NRDC: variants seen among roughly 807,000 people sequenced by gnomAD.
NRDC encodes the protein nardilysin.
Under a neutral mutation model 147.1 loss-of-function variants are expected in NRDC, and 54 were observed. The observed-to-expected ratio is 0.37, with a 90% CI of 0.29 to 0.46. The LOEUF (loss-of-function observed/expected upper bound fraction) is 0.46, where lower values mean the gene tolerates loss of function less well. Among genes scored for constraint, NRDC ranks in the 20% least tolerant of loss-of-function variants. The pLI is 1.00. For synonymous variants in NRDC, 440 were observed against 482.1 expected, an observed-to-expected ratio of 0.91 and a Z score of 1.14; for missense variants, 1,082 against 1,370.6, an observed-to-expected ratio of 0.79 and a Z score of 3.33.
intron 1 of NRDC, among the ~76,000 whole-genome samples, chr1:51,849,521 A>G (rs1681830358): frequency 6.6e-6 from 1 of 152,056 alleles, no homozygotes; most frequent in African/African-American, 2.4e-5. Context: ...TGCCAAGAAC[A>G]TTTTGAAAAA....
At chr1:51,837,578 T>G (rs1681051410) in intron 2 of NRDC, 1 of 1,594,026 alleles carries the variant, frequency 6.3e-7, no homozygotes, top group African/African-American at 1.3e-5. Flanking sequence ...AACCACAGTC[T>G]ATCAGTCAGC....
intron 20 of NRDC, 114 bp from the exon 21 acceptor site, chr1:51,800,797 G>T (rs562393485): frequency 7.0e-5 from 70 of 1,004,104 alleles, no homozygotes; most frequent in Admixed American, 1.3e-4. Context: ...TAGGCATTGT[G>T]GGGGGACATA....
intron 1 of NRDC, among the ~76,000 whole-genome samples, chr1:51,843,063 CAAAAAAAAAAA>C (rs11356852): frequency 2.9e-5 from 2 of 68,002 alleles, no homozygotes; most frequent in African/African-American, 1.2e-4. Flanking sequence ...AAACCTGTCT[CAAAAAAAAAAA>C]AAAAAAAAAA....
intron 1 of NRDC, among the ~76,000 whole-genome samples, chr1:51,847,512 A>AGACCT (rs1457773459): frequency 6.6e-6 from 1 of 152,178 alleles, no homozygotes; most frequent in African/African-American, 2.4e-5. Flanking sequence ...GCAGGTCCCG[A>AGACCT]GCCCTGCCCT....
intron 22 of NRDC, among the ~76,000 whole-genome samples, chr1:51,796,734 T>C (rs1332265615): frequency 6.6e-6 from 1 of 151,286 alleles, no homozygotes; most frequent in African/African-American, 2.4e-5. Context: ...ACTACAGGCA[T>C]GTGCCACCAA....
At chr1:51,810,234 G>A (rs754019527) in intron 16 of NRDC, 47 bp downstream of exon 16, 3 of 1,373,826 alleles carry the variant, frequency 2.2e-6, no homozygotes, top group Non-Finnish European at 3.0e-6. Flanking sequence ...ACATTTCCAG[G>A]TAAGTTAAAT....
At chr1:51,791,754 C>A in intron 26 of NRDC, 93 bp from the exon 27 acceptor site, 1 of 1,041,044 alleles carries the variant, frequency 9.6e-7, no homozygotes, top group South Asian at 1.4e-5. Context: ...AGTTTCTGCC[C>A]ATCCTTATTG....
chr1:51,874,728 A>T (rs1165887357), intron 1 of NRDC, among the ~76,000 whole-genome samples: 25 of 152,224 alleles, frequency 1.6e-4, no homozygotes, highest in Admixed American at 1.6e-3. Flanking sequence ...AAGTCCCTTA[A>T]CCCTTCCAGA....
At position 51,878,433 on chromosome 1, in the gene NRDC, G is replaced by T; in HGVS notation, c.183C>A (p.Ser61Arg). The T allele has an allele frequency of 6.2e-7, 1 of 1,614,124 alleles. No individual in the cohort carries two copies. The highest frequency in any genetic ancestry group is 8.5e-7 in the Non-Finnish European group (1 of 1,180,050). The change falls in exon 1 of 31, where the codon AGC becomes AGA. Residue 61 changes from serine to arginine, a missense_variant. Around this residue, in one of 3 missense-constraint regions of NRDC, gnomAD observed 260 missense variants for 253.2 expected, o/e 1.03. Transcript: ENST00000352171. ...GTCCATTGGGCTGCAGGTCAGGGCA[G>T]CTGCAGGTAGACTTCGCCTTGTTCC... is the stretch of plus-strand genomic sequence containing the variant. ...PGRNKAKSTC[S>R]CPDLQPNGQD...
intron 1 of NRDC, among the ~76,000 whole-genome samples, chr1:51,847,391 C>G (rs1681695650): frequency 6.6e-6 from 1 of 152,254 alleles, no homozygotes; most frequent in Non-Finnish European, 1.5e-5. Flanking sequence ...CTCCTCAGCC[C>G]TTGGGCGATG....
chr1:51,798,317 T>C lies in NRDC; in HGVS notation c.2536A>G (p.Ser846Gly), dbSNP rs1162466569. Reference sequence around the variant, plus strand: ...TGGGATTTGAATTCTTTGACGAAGCTCAGCAGAGACTCAAGGGAAAGGCCG... The same window carrying C: ...TGGGATTTGAATTCTTTGACGAAGCCCAGCAGAGACTCAAGGGAAAGGCCG... Reference protein sequence around the residue: ...MDGLSLESLLSFVKEFKSQLF... With the variant: ...MDGLSLESLLGFVKEFKSQLF... The change falls in exon 22 of 31, where the codon AGC becomes GGC. Residue 846 changes from serine to glycine, a missense_variant. Ser to Gly is a moderately conservative substitution (Grantham distance 56, BLOSUM62 0). Around this residue, in one of 3 missense-constraint regions of NRDC, gnomAD observed 635 missense variants for 923.8 expected, o/e 0.69. Coordinates refer to ENST00000352171, the MANE Select transcript of NRDC (RefSeq NM_001101662.2). 1.2e-6 allele frequency: 2 copies of C among 1,614,084 alleles called. No individual in the cohort carries two copies. The highest frequency in any genetic ancestry group is 1.1e-5 in the South Asian group (1 of 91,082).
rs145218721 is a variant in NRDC at position 51,869,151 on chromosome 1, T to G, written c.341+9124A>C. Among the ~76,000 whole-genome samples the G allele has an allele frequency of 6.4e-3, 976 of 152,206 alleles. 16 individuals are homozygous for G. Among genetic ancestry groups the G allele is most frequent in the African/African-American group, 0.023 (937 of 41,538 alleles). ...TTTTTGTAGAGGTAGGGTCTTGTTT[T>G]GTTACCCAGGCTGGCCTCAAACTCA... On this transcript the variant is annotated intron_variant, in intron 1 of 30. Transcript: ENST00000352171.
At chr1:51,847,489 G>A (rs900899709) in intron 1 of NRDC, among the ~76,000 whole-genome samples, 3 of 152,234 alleles carry the variant, frequency 2.0e-5, no homozygotes, top group East Asian at 1.9e-4. Flanking sequence ...GGGAGGCTCA[G>A]GCACGGCGGG....
chr1:51,831,943 A>C (rs1680733470), intron 4 of NRDC, among the ~76,000 whole-genome samples: 1 of 152,180 alleles, frequency 6.6e-6, no homozygotes, highest in African/African-American at 2.4e-5. Flanking sequence ...AAAATAAATA[A>C]ATAGTGGCAT....
rs150823235 is a variant in NRDC, at chr1:51,794,792, A to G, written c.2636+31T>C. 1.0e-4 allele frequency: 163 copies of G among 1,613,064 alleles called. 2 individuals carry two copies. The East Asian group carries it at 1.8e-3, about 18-fold the overall frequency. On this transcript the variant is annotated intron_variant, in intron 23 of 30. Transcript: ENST00000352171. ...CATGCCCTCTCGCTGGTAAGAACACATAACCCCAAAGAGAAAATTCAAATA... is the reference window on the plus strand; with the variant it reads ...CATGCCCTCTCGCTGGTAAGAACACGTAACCCCAAAGAGAAAATTCAAATA...
chr1:51,801,591 C>A (rs113050302), intron 20 of NRDC, among the ~76,000 whole-genome samples: 3,186 of 152,086 alleles, frequency 0.021, 113 homozygotes, highest in African/African-American at 0.074. Context: ...TCTAAGAATA[C>A]AATCATATCA....
chr1:51,876,292 C>T (rs1373687935), intron 1 of NRDC, among the ~76,000 whole-genome samples: 1 of 152,124 alleles, frequency 6.6e-6, no homozygotes, highest in African/African-American at 2.4e-5. Flanking sequence ...TTATCCGAAA[C>T]ACTCGGGACC....
chr1:51,794,693 ACCAGCCTC>A, intron 23 of NRDC, 83 bp from the exon 24 acceptor site: 2 of 1,588,134 alleles, frequency 1.3e-6, no homozygotes, highest in Admixed American at 1.8e-5. Context: ...TGCCTTGTAC[ACCAGCCTC>A]AAAAAAATCT....
At chr1:51,819,441 A>G (rs1238485953) in intron 9 of NRDC, among the ~76,000 whole-genome samples, 1 of 152,236 alleles carries the variant, frequency 6.6e-6, no homozygotes, top group Non-Finnish European at 1.5e-5. Context: ...AACGATTGCC[A>G]AAGTGTTTTC....
Sources: allele counts gnomAD v4.1 joint callset (sites outside exome capture counted in the v4.1 genomes callset), GRCh38; gene constraint gnomAD v4.1.1; regional missense constraint gnomAD v4.1.1; transcripts MANE v1.5; gene names NCBI Gene and HGNC (gene_info 2026-07-23, HGNC 2026-07-21).